The following FOXK1 variants were observed in gnomAD, a reference collection of about 807,000 sequenced individuals.
FOXK1 encodes forkhead box protein K1.
Under a neutral mutation model 51.9 loss-of-function variants are expected in FOXK1, and 19 were observed. The ratio of observed to expected loss-of-function variants is 0.37; its 90% CI spans 0.26 to 0.54. The LOEUF is 0.54. Ranked by LOEUF, FOXK1 falls within the 20% of genes least tolerant of loss-of-function variation. The pLI, the probability that FOXK1 is intolerant of heterozygous loss-of-function variation, is 0.87. For missense variants in FOXK1, 870 were observed against 1,032.7 expected (o/e 0.84, Z 2.16); for synonymous variants, 537 against 482.6 (o/e 1.11, Z -1.48).
At position 4,682,983 on chromosome 7, in the gene FOXK1, C is replaced by T. The variant is rs1395537284; in HGVS notation, c.560+115C>T. 2 of 1,091,726 alleles carry T rather than the reference C, an allele frequency of 1.8e-6. No homozygotes were observed. The highest frequency in any genetic ancestry group is 2.5e-6 in the Non-Finnish European group (2 of 808,274). 67.6% of individuals were successfully genotyped at this position (1,091,726 alleles called of 1,614,324 possible). On this transcript the variant is annotated intron_variant, in intron 1 of 8. Transcript: ENST00000328914. The surrounding 1 kb of genome is among the most constrained non-coding windows in gnomAD (Gnocchi z 7.6). Reference sequence around the variant, plus strand: ...CTTCCTCGGCCTCGACCCCCACCCCCCGGCCCACCCCCGGTAACCCCCGAC... The same window carrying T: ...CTTCCTCGGCCTCGACCCCCACCCCTCGGCCCACCCCCGGTAACCCCCGAC...
chr7:4,762,268 C>T lies in FOXK1; in HGVS notation c.2006C>T (p.Pro669Leu), dbSNP rs1448524458. 1.9e-6 allele frequency: 3 copies of T among 1,551,252 alleles called. No individual in the cohort carries two copies. The Admixed American group carries it at 5.9e-5, about 30-fold the overall frequency. The change falls in exon 9 of 9, where the codon CCC becomes CTC. Residue 669 changes from proline to leucine, a missense_variant. Transcript: ENST00000328914. This position sits in a 1 kb window ranked among gnomAD's most constrained non-coding sequence, Gnocchi z 5.7. ...VVVTRVCEVG[P>L]KEPAAAVAAT... The stretch of plus-strand genomic sequence containing the variant: ...GTCACCCGGGTGTGCGAGGTGGGGC[C>T]CAAGGAGCCAGCAGCAGCCGTCGCG...
chr7:4,737,123 G>A (rs574937931), intron 1 of FOXK1, among the ~76,000 whole-genome samples: 1 of 152,046 alleles, frequency 6.6e-6, no homozygotes, highest in Admixed American at 6.5e-5. Context: ...TCCAAACCCC[G>A]ATCTCCAGGA....
Position 4,741,034 on chromosome 7 carries a change from C to T in FOXK1, c.746+11C>T, listed in dbSNP as rs1780627656. The T allele has an allele frequency of 6.7e-7, 1 of 1,493,250 alleles. No individual in the cohort carries two copies. Among genetic ancestry groups the T allele is most frequent in the African/African-American group, 1.5e-5 (1 of 68,020 alleles). 92.5% of individuals were successfully genotyped at this position (1,493,250 alleles called of 1,614,324 possible). On this transcript the variant is annotated intron_variant, in intron 2 of 8. Transcript: ENST00000328914. ...GACGGGCACCATCAGGTGAGTAGCC[C>T]CCCAGCCTGCCCTTGGGCCCCCAGG...
chr7:4,731,334 C>G lies in FOXK1; in HGVS notation c.561-9504C>G, dbSNP rs942804122. ...AGGCGAGCCAGGTTTAGTACTTTAT[C>G]GGGTATCCTAAAGACACGTTGCAGC... On this transcript the variant is annotated intron_variant, in intron 1 of 8. Transcript: ENST00000328914. The surrounding 1 kb of genome is among the most constrained non-coding windows in gnomAD (Gnocchi z 5.3). Among the ~76,000 whole-genome samples the G allele has an allele frequency of 6.6e-6, 1 of 152,338 alleles. No individual in the cohort carries two copies. The highest frequency in any genetic ancestry group is 2.4e-5 in the African/African-American group (1 of 41,584).
rs574966678 is a variant in FOXK1, at chr7:4,740,436, A to T, written c.561-402A>T. ...CAGAGTGAGACTCCCTCTCAAAAAA[A>T]AAAAATAAATAAAAAATGCAAAAAA... On this transcript the variant is annotated intron_variant, in intron 1 of 8. Coordinates refer to ENST00000328914, the MANE Select transcript of FOXK1 (RefSeq NM_001037165.2). Among the ~76,000 whole-genome samples, 45 of 144,618 alleles carry T rather than the reference A, an allele frequency of 3.1e-4. 1 individual carries two copies. Among genetic ancestry groups the T allele is most frequent in the African/African-American group, 9.4e-4 (36 of 38,426 alleles). 94.9% of individuals were successfully genotyped at this position (144,618 alleles called of 152,430 possible). A position where few individuals can be genotyped will look rare whatever the true frequency, so the allele number is the denominator to read the frequency against.
chr7:4,750,923 C>T (rs1275524850), intron 2 of FOXK1, among the ~76,000 whole-genome samples: 2 of 151,830 alleles, frequency 1.3e-5, no homozygotes, highest in Admixed American at 6.6e-5. Flanking sequence ...AGGCTGGTCT[C>T]GAACTCCTGA....
intron 1 of FOXK1, among the ~76,000 whole-genome samples, chr7:4,705,782 C>A (rs1357776439): frequency 6.6e-6 from 1 of 150,550 alleles, no homozygotes; most frequent in African/African-American, 2.5e-5. Flanking sequence ...CGTGACCCCC[C>A]CCCGCCTCAG....
In FOXK1 at chr7:4,682,806, C is replaced by T; in HGVS notation, c.498C>T (p.Asn166=). ...TCTACCTGCGCTGCCTCGGCAAGAA[C>T]GGCGTCTTCGTGGACGGGGCCTTCC... is the stretch of plus-strand genomic sequence containing the variant. ...PHFYLRCLGK[N]GVFVDGAFQR... The change falls in exon 1 of 9, where the codon AAC becomes AAT. Residue 166 remains asparagine (N), a synonymous_variant. Coordinates refer to ENST00000328914, the MANE Select transcript of FOXK1 (RefSeq NM_001037165.2). This position sits in a 1 kb window ranked among gnomAD's most constrained non-coding sequence, Gnocchi z 7.6. 1.3e-6 allele frequency: 2 copies of T among 1,587,122 alleles called. No individual in the cohort carries two copies. The highest frequency in any genetic ancestry group is 2.3e-5 in the East Asian group (1 of 43,886).
chr7:4,761,223 T>G lies in FOXK1; in HGVS notation c.1856T>G (p.Val619Gly). Residue 619 changes from valine to glycine, a missense_variant, in exon 8 of 9, where the codon GTC becomes GGC. By Grantham distance (109) the Val-to-Gly change is moderately radical. Transcript: ENST00000328914. The surrounding 1 kb of genome is among the most constrained non-coding windows in gnomAD (Gnocchi z 6.2). ...PVTLGQHHLP[V>G]RAVTQNGKHA... ...ACCCTCGGGCAGCACCACCTTCCAG[T>G]CCGGGCCGTGACCCAGAACGGAAAG... 6 of 1,613,102 alleles carry G rather than the reference T, an allele frequency of 3.7e-6. No homozygotes were observed. Among genetic ancestry groups the G allele is most frequent in the Non-Finnish European group, 4.2e-6 (5 of 1,180,004 alleles).
At chr7:4,699,660 A>C (rs1186419056) in intron 1 of FOXK1, among the ~76,000 whole-genome samples, 1 of 151,886 alleles carries the variant, frequency 6.6e-6, no homozygotes, top group Non-Finnish European at 1.5e-5. Flanking sequence ...GAGCCACCGC[A>C]CCTGGCCTCA....
chr7:4,762,456 G>T lies in FOXK1; in HGVS notation c.2194G>T (p.Gly732Trp). 1.3e-6 allele frequency: 2 copies of T among 1,541,612 alleles called. No homozygotes were observed. Among genetic ancestry groups the T allele is most frequent in the South Asian group, 2.4e-5 (2 of 83,896 alleles). The change falls in exon 9 of 9, where the codon GGG (glycine) becomes TGG (tryptophan). Residue 732 changes from glycine to tryptophan, a missense_variant. By Grantham distance (184) the Gly-to-Trp change is radical (BLOSUM62 -2). Coordinates refer to ENST00000328914, the MANE Select transcript of FOXK1 (RefSeq NM_001037165.2). This position sits in a 1 kb window ranked among gnomAD's most constrained non-coding sequence, Gnocchi z 5.7. ...TGCCGGCCCCCAGGGGCCAGGCACC[G>T]GGGAGTGAGGTCACCTGCAACGCGG... Reference protein sequence around the residue: ...AAAGPQGPGTGE With the variant: ...AAAGPQGPGTWE
At position 4,748,517 on chromosome 7, in the gene FOXK1, G is replaced by C. The variant is rs149553248; in HGVS notation, c.747-5942G>C. Among the ~76,000 whole-genome samples, 1 of 152,200 alleles carries C rather than the reference G, an allele frequency of 6.6e-6. No individual in the cohort carries two copies. The highest frequency in any genetic ancestry group is 1.9e-4 in the East Asian group (1 of 5,172). On this transcript the variant is annotated intron_variant, in intron 2 of 8. Transcript: ENST00000328914. This position sits in a 1 kb window ranked among gnomAD's most constrained non-coding sequence, Gnocchi z 4.9. ...AATAATGGCCTCTTCTCCCTTTACT[G>C]TGAAGGCCTTCCTCTGGGGCCCCTC... is the stretch of plus-strand genomic sequence containing the variant.
chr7:4,733,876 C>A lies in FOXK1; in HGVS notation c.561-6962C>A, dbSNP rs1333538820. Reference sequence around the variant, plus strand: ...GTCCGGCTGACATCCTCTCTCTGGCCGTCATAGCCAGCGCCATGGGATTGG... The same window carrying A: ...GTCCGGCTGACATCCTCTCTCTGGCAGTCATAGCCAGCGCCATGGGATTGG... On this transcript the variant is annotated intron_variant, in intron 1 of 8. Coordinates refer to ENST00000328914, the MANE Select transcript of FOXK1 (RefSeq NM_001037165.2). This position sits in a 1 kb window ranked among gnomAD's most constrained non-coding sequence, Gnocchi z 5.0. Among the ~76,000 whole-genome samples, 1 of 152,160 alleles carries A rather than the reference C, an allele frequency of 6.6e-6. No individual in the cohort carries two copies. The highest frequency in any genetic ancestry group is 1.5e-5 in the Non-Finnish European group (1 of 68,036).
rs549805128 is a variant in FOXK1, at chr7:4,715,488, G to A, written c.561-25350G>A. The stretch of plus-strand genomic sequence containing the variant: ...TGGAACTCGGGCCCCGCTGGCCGGC[G>A]GTAGGAGCTGGAATGCCCGAGCTCT... On this transcript the variant is annotated intron_variant, in intron 1 of 8. Transcript: ENST00000328914. The surrounding 1 kb of genome is among the most constrained non-coding windows in gnomAD (Gnocchi z 4.5). Among the ~76,000 whole-genome samples, 43 of 152,298 alleles carry A rather than the reference G, an allele frequency of 2.8e-4. No homozygotes were observed. Among genetic ancestry groups the A allele is most frequent in the African/African-American group, 8.7e-4 (36 of 41,560 alleles).
chr7:4,705,762 C>G (rs1780081727), intron 1 of FOXK1, among the ~76,000 whole-genome samples: 2 of 143,686 alleles, frequency 1.4e-5, no homozygotes, highest in South Asian at 2.1e-4. Context: ...TGGTCTCGAT[C>G]TCCCAACCTC....
In FOXK1 at chr7:4,730,970, T is replaced by C. The variant is rs1204282613; in HGVS notation, c.561-9868T>C. Among the ~76,000 whole-genome samples, 2 of 151,868 alleles carry C rather than the reference T, an allele frequency of 1.3e-5. No individual in the cohort carries two copies. The highest frequency in any genetic ancestry group is 2.9e-5 in the Non-Finnish European group (2 of 67,946). On this transcript the variant is annotated intron_variant, in intron 1 of 8. Coordinates refer to ENST00000328914, the MANE Select transcript of FOXK1 (RefSeq NM_001037165.2). This position sits in a 1 kb window ranked among gnomAD's most constrained non-coding sequence, Gnocchi z 4.7. The stretch of plus-strand genomic sequence containing the variant: ...TCCCTTGAGGCCAGGAGTTGGAGAC[T>C]AGCCTGGGCAACATAACAAGACCCT...
Position 4,747,920 on chromosome 7 carries a change from G to A in FOXK1, c.747-6539G>A, listed in dbSNP as rs1010532506. Among the ~76,000 whole-genome samples the A allele has an allele frequency of 1.3e-4, 20 of 151,380 alleles. No homozygotes were observed. Among genetic ancestry groups the A allele is most frequent in the East Asian group, 5.9e-4 (3 of 5,124 alleles). On this transcript the variant is annotated intron_variant, in intron 2 of 8. Transcript: ENST00000328914. The surrounding 1 kb of genome is among the most constrained non-coding windows in gnomAD (Gnocchi z 9.2). ...GAGTGCAGTGGTCCGGTCACGGCTC[G>A]CTGCAGCCTCGACCTCCGGGACTCA...
chr7:4,704,300 A>T (rs902680589), intron 1 of FOXK1, among the ~76,000 whole-genome samples: 1 of 151,652 alleles, frequency 6.6e-6, no homozygotes, highest in Non-Finnish European at 1.5e-5. Context: ...AAAACACAAA[A>T]ATTAGTCGGG....
At position 4,755,761 on chromosome 7, in the gene FOXK1, GAAGAT is replaced by G. The variant is rs975156189; in HGVS notation, c.1050+381_1050+385del. On this transcript the variant is annotated intron_variant, in intron 4 of 8. Transcript: ENST00000328914. This position sits in a 1 kb window ranked among gnomAD's most constrained non-coding sequence, Gnocchi z 6.6. Reference sequence around the variant, plus strand: ...AGAAAAAAAATATCTTTTTAACTAAGAAGATAAATATAAAAGAGGGATGTTTTCAC... The same window carrying G: ...AGAAAAAAAATATCTTTTTAACTAAGAAATATAAAAGAGGGATGTTTTCAC... Among the ~76,000 whole-genome samples the G allele has an allele frequency of 4.6e-5, 7 of 152,154 alleles. No homozygotes were observed. Among genetic ancestry groups the G allele is most frequent in the Non-Finnish European group, 7.4e-5 (5 of 68,024 alleles).
Sources: allele counts gnomAD v4.1 joint callset (sites outside exome capture counted in the v4.1 genomes callset), GRCh38; gene constraint gnomAD v4.1.1; non-coding constraint Gnocchi (gnomAD v3.1); transcripts MANE v1.5; gene names NCBI Gene and HGNC (gene_info 2026-07-23, HGNC 2026-07-21).